EYS: variants seen among roughly 807,000 people sequenced by gnomAD.
The protein encoded by EYS is protein eyes shut homolog.
A neutral mutation model predicts 282.1 loss-of-function variants in EYS; 250 were observed. That is an observed-to-expected ratio of 0.89 (90% CI 0.80 to 0.98). EYS has a LOEUF of 0.98. Among genes scored for constraint, EYS ranks in the 50% least tolerant of loss-of-function variants. The probability of loss-of-function intolerance (pLI) is 0.00; values close to 1 mark genes in which losing one functional copy is unlikely to be tolerated. For synonymous variants in EYS, 1,355 were observed against 1,282.9 expected (o/e 1.06, Z -1.20); for missense variants, 4,016 against 3,709.0 (o/e 1.08, Z -2.15).
At chr6:63,919,437 A>C (rs1298045100) in intron 35 of EYS, among the ~76,000 whole-genome samples, 4 of 149,176 alleles carry the variant, frequency 2.7e-5, no homozygotes, top group African/African-American at 5.0e-5. Context: ...ATCCTTCTTC[A>C]AACTGGATAA....
At chr6:65,315,643 T>C (rs540244104) in intron 11 of EYS, among the ~76,000 whole-genome samples, 50 of 148,086 alleles carry the variant, frequency 3.4e-4, no homozygotes, top group South Asian at 1.3e-3. Flanking sequence ...TATTACTGCT[T>C]CATAGTATTC....
intron 35 of EYS, among the ~76,000 whole-genome samples, chr6:63,983,299 T>G (rs1767191106): frequency 6.6e-6 from 1 of 151,880 alleles, no homozygotes; most frequent in Non-Finnish European, 1.5e-5. Context: ...TCTAAGAAAC[T>G]CTGCCTGACT....
intron 7 of EYS, among the ~76,000 whole-genome samples, chr6:65,387,268 A>G (rs1021050572): frequency 6.6e-6 from 1 of 151,980 alleles, no homozygotes; most frequent in Admixed American, 6.6e-5. Context: ...GGAACACAGC[A>G]TGAATAGAGT....
intron 30 of EYS, among the ~76,000 whole-genome samples, chr6:64,246,006 G>A (rs1421388128): frequency 9.7e-5 from 9 of 92,388 alleles, no homozygotes; most frequent in East Asian, 4.0e-4. Context: ...GCGACAGAGC[G>A]AAACTCCGTC....
chr6:64,386,428 C>T (rs1449008697), intron 29 of EYS, among the ~76,000 whole-genome samples: 1 of 152,082 alleles, frequency 6.6e-6, no homozygotes, highest in Non-Finnish European at 1.5e-5. Context: ...GCAGGGGAGC[C>T]CCCATTTACA....
At chr6:65,422,190 A>T (rs982727631) in intron 5 of EYS, among the ~76,000 whole-genome samples, 6 of 152,066 alleles carry the variant, frequency 3.9e-5, no homozygotes, top group African/African-American at 1.4e-4. Context: ...ACTAAATTTC[A>T]AGTGCTCAAT....
At chr6:64,634,564 AG>A (rs1384601535) in intron 22 of EYS, among the ~76,000 whole-genome samples, 13 of 145,620 alleles carry the variant, frequency 8.9e-5, no homozygotes, top group Admixed American at 7.6e-4. Context: ...AAAAAAAAAG[AG>A]CCCTAAGGCA....
At chr6:64,847,898 C>T (rs1765764963) in intron 19 of EYS, among the ~76,000 whole-genome samples, 1 of 152,012 alleles carries the variant, frequency 6.6e-6, no homozygotes, top group Admixed American at 6.6e-5. Context: ...ATTGGAAATG[C>T]CACACTTGAA....
At chr6:64,281,759 A>G (rs550636377) in intron 30 of EYS, among the ~76,000 whole-genome samples, 13 of 152,226 alleles carry the variant, frequency 8.5e-5, no homozygotes, top group South Asian at 4.1e-4. Flanking sequence ...TTTCATATTA[A>G]TTATTGTGCA....
At chr6:65,400,587 C>T (rs764455853) in intron 7 of EYS, among the ~76,000 whole-genome samples, 3 of 151,934 alleles carry the variant, frequency 2.0e-5, no homozygotes, top group South Asian at 2.1e-4. Flanking sequence ...TTTTTAACTA[C>T]TGGAGAAAAT....
chr6:64,286,274 T>C (rs1176604560), intron 30 of EYS, among the ~76,000 whole-genome samples: 3 of 152,160 alleles, frequency 2.0e-5, no homozygotes, highest in Non-Finnish European at 2.9e-5. Flanking sequence ...CTGAGGCCAA[T>C]ATAAAGTTGA....
At chr6:64,024,975 C>T (rs182922100) in intron 33 of EYS, among the ~76,000 whole-genome samples, 7 of 152,332 alleles carry the variant, frequency 4.6e-5, no homozygotes, top group African/African-American at 1.2e-4. Flanking sequence ...TTTCGCCTAT[C>T]GCCCAGTGGT....
chr6:64,547,962 C>T (rs974888523), intron 26 of EYS, among the ~76,000 whole-genome samples: 8 of 152,322 alleles, frequency 5.3e-5, no homozygotes, highest in Admixed American at 2.0e-4. Context: ...CAGGGCTGGC[C>T]GGCAGCTCCA....
At chr6:64,289,651 C>T (rs539320050) in intron 30 of EYS, among the ~76,000 whole-genome samples, 34 of 152,078 alleles carry the variant, frequency 2.2e-4, no homozygotes, top group East Asian at 1.7e-3. Context: ...ATATGCTTTA[C>T]GAGGAGCAGA....
At chr6:65,116,950 C>CT (rs560233321) in intron 12 of EYS, among the ~76,000 whole-genome samples, 39 of 152,286 alleles carry the variant, frequency 2.6e-4, no homozygotes, top group South Asian at 1.9e-3. Context: ...ATTTCAAGCC[C>CT]TTATCAATGT....
chr6:65,021,055 G>A (rs1191248733), intron 13 of EYS, among the ~76,000 whole-genome samples: 1 of 152,138 alleles, frequency 6.6e-6, no homozygotes, highest in Non-Finnish European at 1.5e-5. Context: ...GTGATGGGAG[G>A]GGCTGCCATG....
chr6:64,631,995 T>A (rs1562101456), intron 22 of EYS, among the ~76,000 whole-genome samples: 1 of 151,948 alleles, frequency 6.6e-6, no homozygotes, highest in African/African-American at 2.4e-5. Flanking sequence ...ATTTCTAATA[T>A]CCCATTTGCT....
intron 28 of EYS, among the ~76,000 whole-genome samples, chr6:64,419,838 C>G (rs1356709507): frequency 6.6e-6 from 1 of 152,196 alleles, no homozygotes; most frequent in Non-Finnish European, 1.5e-5. Flanking sequence ...TGTGGCTTTT[C>G]CAGGCACACA....
intron 33 of EYS, among the ~76,000 whole-genome samples, chr6:64,045,299 A>G (rs1770565791): frequency 6.6e-6 from 1 of 151,878 alleles, no homozygotes; most frequent in East Asian, 1.9e-4. Context: ...TTTGTTGACA[A>G]ACGTTTTTAC....
Sources: gnomAD v4.1 joint callset for allele counts (sites outside exome capture counted in the v4.1 genomes callset) on GRCh38, gnomAD v4.1.1 for gene constraint, MANE v1.5 for transcripts, NCBI Gene and HGNC (gene_info 2026-07-23, HGNC 2026-07-21) for gene names.